LRRK2: variants seen among roughly 807,000 people sequenced by gnomAD.
LRRK2 encodes the protein leucine rich repeat kinase 2.
A neutral mutation model predicts 302.6 loss-of-function variants in LRRK2; 203 were observed. The observed-to-expected ratio is 0.67, with a 90% CI of 0.60 to 0.75. The LOEUF (loss-of-function observed/expected upper bound fraction) is 0.75, where lower values mean the gene tolerates loss of function less well. Ranked by LOEUF, LRRK2 falls within the 30% of genes least tolerant of loss-of-function variation. The probability of loss-of-function intolerance (pLI) is 0.00; values close to 1 mark genes in which losing one functional copy is unlikely to be tolerated. For synonymous variants in LRRK2, 1,066 were observed against 1,031.9 expected (o/e 1.03, Z -0.63); for missense variants, 2,830 against 2,951.0 (o/e 0.96, Z 0.95).
At chr12:40,363,969 G>C (rs1946798214) in intron 48 of LRRK2, among the ~76,000 whole-genome samples, 1 of 151,868 alleles carries the variant, frequency 6.6e-6, no homozygotes, top group African/African-American at 2.4e-5. Flanking sequence ...AAATGCAATG[G>C]ACTGACCGAG....
intron 7 of LRRK2, among the ~76,000 whole-genome samples, chr12:40,244,174 G>T (rs1212882352): frequency 2.6e-5 from 4 of 151,982 alleles, no homozygotes; most frequent in Non-Finnish European, 5.9e-5. Context: ...CCAGAATTTT[G>T]TGTTTACAAA....
intron 16 of LRRK2, among the ~76,000 whole-genome samples, chr12:40,275,939 C>T (rs555400027): frequency 6.6e-6 from 1 of 152,150 alleles, no homozygotes; most frequent in African/African-American, 2.4e-5. Flanking sequence ...TTGTAACTGG[C>T]AGCATTGACC....
intron 13 of LRRK2, among the ~76,000 whole-genome samples, chr12:40,261,081 T>C (rs1942751424): frequency 6.6e-6 from 1 of 152,194 alleles, no homozygotes; most frequent in African/African-American, 2.4e-5. Context: ...ATCAGTATTT[T>C]AAAAATTGAA....
intron 3 of LRRK2, among the ~76,000 whole-genome samples, chr12:40,234,064 G>A (rs182050402): frequency 7.9e-5 from 12 of 152,206 alleles, no homozygotes; most frequent in Admixed American, 4.6e-4. Flanking sequence ...AATTTCTTCC[G>A]TGGTAATAAA....
At chr12:40,274,815 T>G in intron 15 of LRRK2, 39 bp from the exon 16 acceptor site, 1 of 1,609,916 alleles carries the variant, frequency 6.2e-7, no homozygotes, top group Non-Finnish European at 8.5e-7. Flanking sequence ...TTTCTTCAGT[T>G]TTGAGATTTA....
chr12:40,233,741 G>C (rs543083705), intron 3 of LRRK2, among the ~76,000 whole-genome samples: 3 of 152,156 alleles, frequency 2.0e-5, no homozygotes, highest in Admixed American at 6.5e-5. Flanking sequence ...GAGTGTTTGG[G>C]AAACTCATCT....
intron 42 of LRRK2, among the ~76,000 whole-genome samples, chr12:40,347,477 C>T (rs1449994147): frequency 5.9e-5 from 9 of 152,190 alleles, no homozygotes; most frequent in South Asian, 2.1e-4. Flanking sequence ...AGCTCTTTCT[C>T]ATATTTTCTG....
intron 18 of LRRK2, among the ~76,000 whole-genome samples, chr12:40,283,300 C>A (rs1467551245): frequency 6.6e-6 from 1 of 152,128 alleles, no homozygotes; most frequent in Non-Finnish European, 1.5e-5. Flanking sequence ...GAAAACATAA[C>A]ATTTAGAGGA....
chr12:40,302,327 A>G (rs1174749192), intron 25 of LRRK2, among the ~76,000 whole-genome samples: 3 of 152,112 alleles, frequency 2.0e-5, no homozygotes, highest in Non-Finnish European at 4.4e-5. Context: ...ATTAAATAAC[A>G]CCCATTATTA....
At chr12:40,283,771 A>G (rs1565710882) in intron 18 of LRRK2, 104 bp from the exon 19 acceptor site, 13 of 982,446 alleles carry the variant, frequency 1.3e-5, no homozygotes, top group Non-Finnish European at 2.0e-5. Context: ...GTTTCATTCC[A>G]AATTGGAGAT....
intron 11 of LRRK2, among the ~76,000 whole-genome samples, chr12:40,254,686 CT>C (rs2136494316): frequency 6.6e-6 from 1 of 152,318 alleles, no homozygotes; most frequent in African/African-American, 2.4e-5. Context: ...ACAACCATAA[CT>C]TTGTGAAATT....
At chr12:40,290,084 A>G (rs951516803) in intron 20 of LRRK2, among the ~76,000 whole-genome samples, 3 of 151,986 alleles carry the variant, frequency 2.0e-5, no homozygotes, top group Non-Finnish European at 4.4e-5. Context: ...GATGCCCTTC[A>G]TCAAATTGAA....
At chr12:40,321,737 T>C (rs1945407585) in intron 35 of LRRK2, among the ~76,000 whole-genome samples, 1 of 152,088 alleles carries the variant, frequency 6.6e-6, no homozygotes, top group African/African-American at 2.4e-5. Flanking sequence ...GATCAAAAAC[T>C]TCTTTTTAAA....
intron 33 of LRRK2, among the ~76,000 whole-genome samples, chr12:40,319,102 G>C (rs1204727051): frequency 6.6e-6 from 1 of 151,948 alleles, no homozygotes; most frequent in African/African-American, 2.4e-5. Flanking sequence ...ATCTCCCAAA[G>C]AAAATTAAAT....
intron 41 of LRRK2, among the ~76,000 whole-genome samples, chr12:40,344,454 G>A (rs1228806658): frequency 1.3e-5 from 2 of 152,096 alleles, no homozygotes; most frequent in Admixed American, 6.6e-5. Flanking sequence ...TGACTGTGTG[G>A]GTAGCTCATT....
At chr12:40,309,975 T>G (rs560190110) in intron 30 of LRRK2, among the ~76,000 whole-genome samples, 90 of 152,300 alleles carry the variant, frequency 5.9e-4, no homozygotes, top group Admixed American at 6.5e-4. Flanking sequence ...TTTGCTTGAG[T>G]GGCTTTTATT....
intron 13 of LRRK2, among the ~76,000 whole-genome samples, chr12:40,260,266 G>A (rs1023792570): frequency 1.3e-5 from 2 of 152,002 alleles, no homozygotes; most frequent in African/African-American, 4.8e-5. Context: ...GAGGTAGATG[G>A]AAGTGTAAAT....
At chr12:40,236,375 T>C (rs1941466866) in intron 4 of LRRK2, among the ~76,000 whole-genome samples, 1 of 152,110 alleles carries the variant, frequency 6.6e-6, no homozygotes, top group South Asian at 2.1e-4. Context: ...CACTAAGAGG[T>C]AGAAACAGGG....
chr12:40,300,762 T>C (rs1944593488), intron 25 of LRRK2: 2 of 470,866 alleles, frequency 4.2e-6, no homozygotes, highest in South Asian at 1.5e-5. Context: ...CATTAAGTAA[T>C]GATGGCATAA....
Sources: gnomAD v4.1 joint callset for allele counts (sites outside exome capture counted in the v4.1 genomes callset) on GRCh38, gnomAD v4.1.1 for gene constraint, MANE v1.5 for transcripts, NCBI Gene and HGNC (gene_info 2026-07-23, HGNC 2026-07-21) for gene names.